ADD1: variants seen among roughly 807,000 people sequenced by gnomAD.
ADD1 encodes the protein alpha-adducin.
Under a neutral mutation model 80.5 loss-of-function variants are expected in ADD1, and 24 were observed. The observed-to-expected ratio is 0.30, with a 90% CI of 0.22 to 0.42. ADD1 has a LOEUF of 0.42. Ranked by LOEUF, ADD1 falls within the 10% of genes least tolerant of loss-of-function variation. ADD1 has a pLI of 1.00. For missense variants in ADD1, 948 were observed against 1,019.0 expected (o/e 0.93, Z 0.95); for synonymous variants, 373 against 393.8 (o/e 0.95, Z 0.63).
intron 8 of ADD1, 58 bp downstream of exon 8, chr4:2,898,589 A>G (rs969124855): frequency 1.0e-5 from 15 of 1,493,500 alleles, no homozygotes; most frequent in Non-Finnish European, 1.4e-5. Context: ...TGGGGTTCAC[A>G]TAGATTTTTT....
chr4:2,859,869 A>G (rs35304823), intron 1 of ADD1, among the ~76,000 whole-genome samples: 1,973 of 151,494 alleles, frequency 0.013, 39 homozygotes, highest in African/African-American at 0.044. Flanking sequence ...ATAATGACAT[A>G]CTTTTCCATC....
At chr4:2,883,209 C>T (rs1473487773) in intron 3 of ADD1, among the ~76,000 whole-genome samples, 1 of 152,112 alleles carries the variant, frequency 6.6e-6, no homozygotes, top group Non-Finnish European at 1.5e-5. Flanking sequence ...GGAGAAACTT[C>T]CCTTCAGTTC....
chr4:2,886,349 C>T (rs972452277), intron 4 of ADD1, among the ~76,000 whole-genome samples: 1 of 152,198 alleles, frequency 6.6e-6, no homozygotes, highest in Non-Finnish European at 1.5e-5. Flanking sequence ...GTGTGTTGTG[C>T]CTCTGGGACT....
intron 1 of ADD1, among the ~76,000 whole-genome samples, chr4:2,850,011 T>G (rs1028053288): frequency 6.6e-6 from 1 of 152,228 alleles, no homozygotes; most frequent in African/African-American, 2.4e-5. Flanking sequence ...AGCTTGTGTG[T>G]GAATGTTCAG....
intron 9 of ADD1, chr4:2,901,306 A>C (rs1338696656): frequency 1.3e-5 from 2 of 152,160 alleles, no homozygotes; most frequent in Admixed American, 1.3e-4. Context: ...GAGGGAGGAG[A>C]GAGGGGGGTC....
intron 2 of ADD1, among the ~76,000 whole-genome samples, chr4:2,876,579 G>C (rs1731330393): frequency 6.6e-6 from 1 of 152,066 alleles, no homozygotes; most frequent in South Asian, 2.1e-4. Context: ...GCTCACGCCT[G>C]TAATCCCAGC....
At chr4:2,871,485 C>G (rs1042856068) in intron 1 of ADD1, among the ~76,000 whole-genome samples, 1 of 152,226 alleles carries the variant, frequency 6.6e-6, no homozygotes, top group Non-Finnish European at 1.5e-5. Context: ...GTTAAGATAG[C>G]TGTTCATCCT....
chr4:2,864,676 C>T (rs144205861), intron 1 of ADD1, among the ~76,000 whole-genome samples: 1 of 152,206 alleles, frequency 6.6e-6, no homozygotes, highest in Non-Finnish European at 1.5e-5. Context: ...GGTGTTTACA[C>T]TTCCTTCCTT....
At chr4:2,879,545 C>G (rs193286610) in intron 2 of ADD1, among the ~76,000 whole-genome samples, 306 of 152,234 alleles carry the variant, frequency 2.0e-3, no homozygotes, top group African/African-American at 7.1e-3. Flanking sequence ...AGGCAAGGAG[C>G]TTGTTTAATT....
chr4:2,899,492 G>A lies in ADD1; in HGVS notation c.1161+57G>A, dbSNP rs764860695. 8 of 1,601,312 alleles carry A rather than the reference G, an allele frequency of 5.0e-6. 1 individual carries two copies. The South Asian group carries it at 8.9e-5, about 18-fold the overall frequency. ...CTTTTGTTCTAAAAGCATCAGTGTT[G>A]GTGTTCTTACAGCAAGTGCGATTGC... is the stretch of plus-strand genomic sequence containing the variant. On this transcript the variant is annotated intron_variant, in intron 9 of 15. Transcript: ENST00000683351.
At chr4:2,899,841 G>A (rs1317085876) in intron 9 of ADD1, 3 of 331,256 alleles carry the variant, frequency 9.1e-6, no homozygotes, top group Non-Finnish European at 1.8e-5. Flanking sequence ...CCTGATGACT[G>A]TGTTCCATGG....
chr4:2,868,948 T>C (rs1023832810), intron 1 of ADD1, among the ~76,000 whole-genome samples: 1 of 152,160 alleles, frequency 6.6e-6, no homozygotes, highest in Non-Finnish European at 1.5e-5. Flanking sequence ...TAAAAATATG[T>C]GGAACACCTG....
intron 4 of ADD1, chr4:2,887,768 T>A (rs1157544223): frequency 2.6e-5 from 4 of 152,204 alleles, no homozygotes; most frequent in Non-Finnish European, 1.5e-5. Context: ...AGTCTCATTC[T>A]TCATACACAG....
chr4:2,927,657 C>G (rs1199176296), intron 15 of ADD1, among the ~76,000 whole-genome samples: 1 of 152,246 alleles, frequency 6.6e-6, no homozygotes, highest in Non-Finnish European at 1.5e-5. Flanking sequence ...TAATTAACTT[C>G]CAGCCTAAAC....
chr4:2,918,796 A>G lies in ADD1; in HGVS notation c.1948+3756A>G, dbSNP rs145363285. Among the ~76,000 whole-genome samples the G allele has an allele frequency of 3.3e-3, 503 of 150,262 alleles. 1 individual carries two copies. The highest frequency in any genetic ancestry group is 0.012 in the African/African-American group (483 of 41,014). On this transcript the variant is annotated intron_variant, in intron 14 of 15. Coordinates refer to ENST00000683351, the MANE Select transcript of ADD1 (RefSeq NM_001354761.2). ...TCATGTGGTTTTTGTCATTGGTTCT[A>G]TTTATACGATGGATTACGTTTATTG...
Position 2,928,563 on chromosome 4 carries a change from G to A in ADD1, c.*40G>A, listed in dbSNP as rs1712375094. 7 of 1,579,378 alleles carry A rather than the reference G, an allele frequency of 4.4e-6. No individual in the cohort carries two copies. In the South Asian group the frequency reaches 5.8e-5, roughly 13 times the overall value. On this transcript the variant is annotated 3_prime_UTR_variant, in exon 16 of 16. Transcript: ENST00000683351. The stretch of plus-strand genomic sequence containing the variant: ...CACTGTCCTGTCCGGAGCGACCCTG[G>A]CTCTGCCAGCGTCCCCGGCCACGTC...
intron 1 of ADD1, among the ~76,000 whole-genome samples, chr4:2,858,802 C>T (rs780498968): frequency 1.2e-4 from 19 of 152,146 alleles, no homozygotes; most frequent in African/African-American, 4.3e-4. Flanking sequence ...GCCTTGGCCA[C>T]GTAGTGAGAC....
chr4:2,892,962 C>G (rs577860200), intron 4 of ADD1, among the ~76,000 whole-genome samples: 47 of 152,086 alleles, frequency 3.1e-4, no homozygotes, highest in African/African-American at 1.1e-3. Context: ...GTCACCCAGG[C>G]TAGAGTGCAG....
chr4:2,886,198 A>G (rs1264004839), intron 4 of ADD1, among the ~76,000 whole-genome samples: 1 of 152,162 alleles, frequency 6.6e-6, no homozygotes, highest in Non-Finnish European at 1.5e-5. Flanking sequence ...CACGTTGCTG[A>G]AATGTTTCCT....
Sources: allele counts gnomAD v4.1 joint callset (sites outside exome capture counted in the v4.1 genomes callset), GRCh38; gene constraint gnomAD v4.1.1; transcripts MANE v1.5; gene names NCBI Gene and HGNC (gene_info 2026-07-23, HGNC 2026-07-21).